The following PUS7L variants were observed in gnomAD, a reference collection of about 807,000 sequenced individuals.
The protein encoded by PUS7L is pseudouridylate synthase PUS7L.
A neutral mutation model predicts 51.1 loss-of-function variants in PUS7L; 49 were observed. The observed-to-expected ratio is 0.96, with a 90% CI of 0.76 to 1.22. The LOEUF is 1.22. Ranked by LOEUF, PUS7L falls within the 50% of genes most tolerant of loss-of-function variation. The pLI, the probability that PUS7L is intolerant of heterozygous loss-of-function variation, is 0.00. For synonymous variants in PUS7L, 277 were observed against 276.2 expected (o/e 1.00, Z -0.03); for missense variants, 828 against 820.6 (o/e 1.01, Z -0.11).
At chr12:43,741,416 T>C (rs11182242) in intron 5 of PUS7L, among the ~76,000 whole-genome samples, 32,645 of 152,082 alleles carry the variant, frequency 0.21, 5,258 homozygotes, top group African/African-American at 0.46. Context: ...ATAAGGAAAC[T>C]GAGGCTTGGA....
chr12:43,729,001 C>T lies in PUS7L; in HGVS notation c.*1375G>A, dbSNP rs923311096. ...TTTTAATCACTATGCTAACATGTCT[C>T]TTATTTGTGAAAGATGAATTCAGAG... On this transcript the variant is annotated 3_prime_UTR_variant, in exon 9 of 9. Transcript: ENST00000344862. The T allele has an allele frequency of 2.8e-6, 1 of 362,858 alleles. No homozygotes were observed. Among genetic ancestry groups the T allele is most frequent in the African/African-American group, 2.1e-5 (1 of 47,846 alleles). 22.5% of individuals were successfully genotyped at this position (362,858 alleles called of 1,614,324 possible).
chr12:43,758,657 C>CCA, intron 1 of PUS7L, 73 bp downstream of exon 1: 2 of 653,552 alleles, frequency 3.1e-6, no homozygotes, highest in South Asian at 8.3e-5. Flanking sequence ...CCTCGTCACC[C>CCA]CCCCCCCCCA....
chr12:43,736,857 CCTG>C (rs1944706245), intron 6 of PUS7L, among the ~76,000 whole-genome samples, 196 bp from the exon 7 acceptor site: 1 of 150,954 alleles, frequency 6.6e-6, no homozygotes, highest in African/African-American at 2.4e-5. Context: ...TTTCACTTTC[CCTG>C]CTATTAAAAA....
intron 1 of PUS7L, 58 bp from the exon 2 acceptor site, chr12:43,755,319 A>T: frequency 1.0e-6 from 1 of 1,001,714 alleles, no homozygotes. Flanking sequence ...TGGATGACCA[A>T]ATAGGAATAG....
At position 43,742,528 on chromosome 12, in the gene PUS7L, G is replaced by T; in HGVS notation, c.1291C>A (p.Pro431Thr). ...KKKGFVNYYG[P>T]QRFGKGRKVH... is the part of the protein sequence containing the mutation. Reference sequence around the variant, plus strand: ...TTCCTTCCCTTCCCAAATCTCTGTGGTCCATAGTAATTCACAAAGCCTTTT... The same window carrying T: ...TTCCTTCCCTTCCCAAATCTCTGTGTTCCATAGTAATTCACAAAGCCTTTT... Residue 431 changes from proline to threonine, a missense_variant, in exon 5 of 9, where the codon CCA becomes ACA. Physicochemically the swap from Pro to Thr is conservative, Grantham distance 38. Transcript: ENST00000344862. 6.2e-7 allele frequency: 1 copy of T among 1,606,250 alleles called. No individual in the cohort carries two copies. Among genetic ancestry groups the T allele is most frequent in the Non-Finnish European group, 8.5e-7 (1 of 1,177,316 alleles).
At position 43,724,192 on chromosome 12, in the gene PUS7L, A is replaced by G. The variant is rs565141270; in HGVS notation, c.*6184T>C. On this transcript the variant is annotated 3_prime_UTR_variant, in exon 9 of 9. Coordinates refer to ENST00000344862, the MANE Select transcript of PUS7L (RefSeq NM_031292.5). ...TTTTGTTCTCTTAAAGATTACTCCC[A>G]GGTAGAAAACGTTAAGGAACATTGA... 3.9e-5 allele frequency: 6 copies of G among 152,126 alleles called. No individual in the cohort carries two copies. The highest frequency in any genetic ancestry group is 1.4e-4 in the African/African-American group (6 of 41,566). 9.4% of individuals were successfully genotyped at this position (152,126 alleles called of 1,614,324 possible).
chr12:43,748,706 A>C, intron 2 of PUS7L, 97 bp from the exon 3 acceptor site: 1 of 996,628 alleles, frequency 1.0e-6, no homozygotes, highest in Non-Finnish European at 1.4e-6. Flanking sequence ...CAAACTATTA[A>C]TCTAAGGAGT....
intron 2 of PUS7L, among the ~76,000 whole-genome samples, chr12:43,751,130 C>T (rs1183388632): frequency 2.0e-5 from 3 of 152,036 alleles, no homozygotes; most frequent in South Asian, 4.1e-4. Flanking sequence ...CCAGTTCAGG[C>T]TCTCCTGAGG....
At chr12:43,754,266 CA>C (rs1938584890) in intron 2 of PUS7L, 69 bp downstream of exon 2, 1 of 1,071,372 alleles carries the variant, frequency 9.3e-7, no homozygotes, top group Admixed American at 2.3e-5. Context: ...CAAGTCTGTT[CA>C]ATTCATTTTC....
In PUS7L at chr12:43,728,416, T is replaced by G. The variant is rs192227342; in HGVS notation, c.*1960A>C. ...TATTTTCTGATTGCTATTCAAAACTTTTAAAAACTAGGATTTAATAATGTA... is the reference window on the plus strand; with the variant it reads ...TATTTTCTGATTGCTATTCAAAACTGTTAAAAACTAGGATTTAATAATGTA... On this transcript the variant is annotated 3_prime_UTR_variant, in exon 9 of 9. Transcript: ENST00000344862. 14 of 152,238 alleles carry G rather than the reference T, an allele frequency of 9.2e-5. No individual in the cohort carries two copies. The highest frequency in any genetic ancestry group is 3.9e-4 in the Admixed American group (6 of 15,290). The allele number at this position is 152,238 out of a possible 1,614,324, so 9.4% of individuals were successfully genotyped here.
At position 43,754,373 on chromosome 12, in the gene PUS7L, A is replaced by G. The variant is rs1938589681; in HGVS notation, c.873T>C (p.Pro291=). 11 of 1,602,952 alleles carry G rather than the reference A, an allele frequency of 6.9e-6. No homozygotes were observed. The highest frequency in any genetic ancestry group is 9.3e-6 in the Non-Finnish European group (11 of 1,176,520). The change falls in exon 2 of 9, where the codon CCT becomes CCC. Residue 291 remains proline (P), a synonymous_variant. Transcript: ENST00000344862. ...CTTTTCCTTCTTGGCATTCAGAAAG[A>G]GGCCTTTTCCCACGTTTGTGTGCTT... ...REKAHKRGKR[P]LSECQEGKVI...
rs187730118 is a variant in PUS7L at position 43,745,419 on chromosome 12, C to T, written c.1263+627G>A. On this transcript the variant is annotated intron_variant, in intron 4 of 8. Transcript: ENST00000344862. Reference sequence around the variant, plus strand: ...TAGAGGTTGTTACTCCCATGCTATTCTCATGATAGCGAGTGAGTTCTCACA... The same window carrying T: ...TAGAGGTTGTTACTCCCATGCTATTTTCATGATAGCGAGTGAGTTCTCACA... Among the ~76,000 whole-genome samples the T allele has an allele frequency of 6.1e-3, 927 of 152,292 alleles. 10 individuals carry two copies. Among genetic ancestry groups the T allele is most frequent in the African/African-American group, 0.02 (850 of 41,552 alleles).
chr12:43,736,696 C>T lies in PUS7L; in HGVS notation c.1445-35G>A, dbSNP rs757517100. ...AGGGTAAATCAGGTATAGTTAGCCACTTTTATTTAAAGGCCAGTTATAAAG... is the reference window on the plus strand; with the variant it reads ...AGGGTAAATCAGGTATAGTTAGCCATTTTTATTTAAAGGCCAGTTATAAAG... On this transcript the variant is annotated intron_variant, in intron 6 of 8. Coordinates refer to ENST00000344862, the MANE Select transcript of PUS7L (RefSeq NM_031292.5). 19 of 1,584,828 alleles carry T rather than the reference C, an allele frequency of 1.2e-5. No homozygotes were observed. The Admixed American group carries it at 3.1e-4, about 26-fold the overall frequency.
rs1008230789 is a variant in PUS7L at position 43,754,337 on chromosome 12, T to G, written c.909A>C (p.Thr303=). 10 of 1,549,750 alleles carry G rather than the reference T, an allele frequency of 6.5e-6. 1 individual carries two copies. The highest frequency in any genetic ancestry group is 2.4e-5 in the South Asian group (2 of 83,692). The change falls in exon 2 of 9, where the codon ACA becomes ACC. Residue 303 remains threonine, a splice_region_variant and synonymous_variant. Coordinates refer to ENST00000344862, the MANE Select transcript of PUS7L (RefSeq NM_031292.5). ...SECQEGKVIY[T]AFTLRKENLE... ...ATGGATGATGATTTATTAAATTACCTGTATATATAACTTTTCCTTCTTGGC... is the reference window on the plus strand; with the variant it reads ...ATGGATGATGATTTATTAAATTACCGGTATATATAACTTTTCCTTCTTGGC...
At chr12:43,755,284 G>A (rs924546285) in intron 1 of PUS7L, 23 bp from the exon 2 acceptor site, 3 of 1,434,822 alleles carry the variant, frequency 2.1e-6, no homozygotes, top group Non-Finnish European at 2.8e-6. Flanking sequence ...ACAAAGAGGT[G>A]GTTAGTTAAC....
intron 4 of PUS7L, among the ~76,000 whole-genome samples, chr12:43,742,950 A>G (rs942786110): frequency 5.9e-5 from 9 of 152,014 alleles, no homozygotes; most frequent in Admixed American, 3.9e-4. Flanking sequence ...CTGTCTGGAG[A>G]TGTCGGGAGT....
chr12:43,758,691 A>G (rs1254915295), intron 1 of PUS7L, 39 bp downstream of exon 1: 18 of 821,350 alleles, frequency 2.2e-5, no homozygotes, highest in Non-Finnish European at 2.2e-5. Context: ...ACACACACAT[A>G]CAAGCCCACC....
At chr12:43,738,639 C>T (rs1284303236) in intron 5 of PUS7L, among the ~76,000 whole-genome samples, 1 of 152,086 alleles carries the variant, frequency 6.6e-6, no homozygotes, top group African/African-American at 2.4e-5. Flanking sequence ...TTCCCTATCA[C>T]TTCCATAATT....
At chr12:43,742,664 A>G in intron 4 of PUS7L, 109 bp from the exon 5 acceptor site, 1 of 1,414,782 alleles carries the variant, frequency 7.1e-7, no homozygotes, top group Non-Finnish European at 9.2e-7. Flanking sequence ...ATAACTCTGT[A>G]ATCAGCAGTA....
Sources: allele counts gnomAD v4.1 joint callset (sites outside exome capture counted in the v4.1 genomes callset), GRCh38; gene constraint gnomAD v4.1.1; transcripts MANE v1.5; gene names NCBI Gene and HGNC (gene_info 2026-07-23, HGNC 2026-07-21).